Variants in LEPR observed in about 807,000 individuals in gnomAD.
The protein encoded by LEPR is leptin receptor.
A neutral mutation model predicts 114.7 loss-of-function variants in LEPR; 56 were observed. The observed-to-expected ratio is 0.49, with a 90% confidence interval of 0.39 to 0.61. The LOEUF (loss-of-function observed/expected upper bound fraction) is 0.61, where lower values mean the gene tolerates loss of function less well. LEPR is among the 20% of genes least tolerant of loss of function. The pLI is 0.00. For missense variants in LEPR, 1,202 were observed against 1,352.9 expected, an observed-to-expected ratio of 0.89 and a Z score of 1.75; for synonymous variants, 443 against 461.4, an observed-to-expected ratio of 0.96 and a Z score of 0.51.
At chr1:65,434,038 T>G in intron 2 of LEPR, 3 of 985,394 alleles carry the variant, frequency 3.0e-6, no homozygotes, top group Non-Finnish European at 3.6e-6. Flanking sequence ...GTGTTTTTGT[T>G]GCTTATACAC....
rs148464497 is a variant in LEPR at position 65,636,789 on chromosome 1, G to C, written c.3272G>C (p.Gly1091Ala). ...GVTSIKKRES[G>A]VLLTDKSRVS... ...ACCTCAATCAAAAAGAGAGAGAGTG[G>C]TGTGCTTTTGACTGACAAGTCAAGG... is the stretch of plus-strand genomic sequence containing the variant. The change falls in exon 20 of 20, where the codon GGT (glycine) becomes GCT (alanine). Residue 1091 changes from glycine to alanine, a missense_variant. Gly to Ala is a moderately conservative substitution (Grantham distance 60, BLOSUM62 0). Coordinates refer to ENST00000349533, the MANE Select transcript of LEPR (RefSeq NM_002303.6). 1 of 1,614,014 alleles carries C rather than the reference G, an allele frequency of 6.2e-7. No homozygotes were observed. The highest frequency in any genetic ancestry group is 1.1e-5 in the South Asian group (1 of 91,054).
At chr1:65,629,142 A>C (rs1384751193) in intron 19 of LEPR, among the ~76,000 whole-genome samples, 1 of 152,046 alleles carries the variant, frequency 6.6e-6, no homozygotes, top group Non-Finnish European at 1.5e-5. Context: ...CAATTCCTTA[A>C]GTAATCATTT....
At chr1:65,620,992 T>C (rs1176443326) in intron 17 of LEPR, among the ~76,000 whole-genome samples, 1 of 151,966 alleles carries the variant, frequency 6.6e-6, no homozygotes, top group Non-Finnish European at 1.5e-5. Flanking sequence ...GTGAACAAGA[T>C]AGAGATTGGC....
chr1:65,499,274 G>A (rs962495215), intron 2 of LEPR, among the ~76,000 whole-genome samples: 12 of 152,088 alleles, frequency 7.9e-5, no homozygotes, highest in South Asian at 6.2e-4. Flanking sequence ...AGAATATAGC[G>A]AGTTTCCCAA....
intron 19 of LEPR, among the ~76,000 whole-genome samples, chr1:65,625,490 C>CT (rs372324639): frequency 4.6e-5 from 7 of 151,200 alleles, no homozygotes; most frequent in East Asian, 3.9e-4. Flanking sequence ...AATAGCATTA[C>CT]TTTTTTTTTG....
intron 2 of LEPR, among the ~76,000 whole-genome samples, chr1:65,557,628 C>A (rs1197253042): frequency 6.6e-6 from 1 of 152,160 alleles, no homozygotes; most frequent in African/African-American, 2.4e-5. Flanking sequence ...CTATGTTGGC[C>A]AGGCTGGTCT....
chr1:65,605,527 G>A (rs1045978424), intron 11 of LEPR, among the ~76,000 whole-genome samples: 8 of 152,034 alleles, frequency 5.3e-5, no homozygotes, highest in Non-Finnish European at 8.8e-5. Flanking sequence ...TTCTAAATAA[G>A]GCATTATTTT....
chr1:65,463,416 G>T (rs1023712571), intron 2 of LEPR, among the ~76,000 whole-genome samples: 5 of 152,130 alleles, frequency 3.3e-5, no homozygotes, highest in African/African-American at 1.2e-4. Context: ...TGCTGTTTTG[G>T]TTAGTGTAGC....
chr1:65,481,825 A>G (rs1166123383), intron 2 of LEPR, among the ~76,000 whole-genome samples: 5 of 150,256 alleles, frequency 3.3e-5, no homozygotes, highest in Non-Finnish European at 7.4e-5. Context: ...ATGTTACTAA[A>G]AAAAAAAAAA....
At chr1:65,511,643 T>A (rs1649043151) in intron 2 of LEPR, among the ~76,000 whole-genome samples, 1 of 152,198 alleles carries the variant, frequency 6.6e-6, no homozygotes, top group Non-Finnish European at 1.5e-5. Context: ...AAATTTCACA[T>A]TCCAATTCTG....
At chr1:65,520,085 G>T (rs897775494) in intron 2 of LEPR, among the ~76,000 whole-genome samples, 2 of 152,072 alleles carry the variant, frequency 1.3e-5, no homozygotes, top group Admixed American at 1.3e-4. Flanking sequence ...GAATGGTCTC[G>T]ATCTCCTGAC....
intron 2 of LEPR, among the ~76,000 whole-genome samples, chr1:65,556,581 T>C (rs1383131904): frequency 6.6e-6 from 1 of 152,162 alleles, no homozygotes; most frequent in African/African-American, 2.4e-5. Flanking sequence ...CAGGTCCATG[T>C]TCCAAAAAAT....
intron 2 of LEPR, among the ~76,000 whole-genome samples, chr1:65,437,712 C>T (rs1042455629): frequency 2.0e-5 from 3 of 151,808 alleles, no homozygotes; most frequent in Admixed American, 6.6e-5. Context: ...ATACGGTAGG[C>T]GCTACTGGAA....
At chr1:65,572,143 G>A (rs972813970) in intron 4 of LEPR, among the ~76,000 whole-genome samples, 183 bp from the exon 5 acceptor site, 4 of 151,982 alleles carry the variant, frequency 2.6e-5, no homozygotes, top group African/African-American at 9.6e-5. Flanking sequence ...GAGGGACTAA[G>A]TGATGGGCAA....
Position 65,638,268 on chromosome 1 carries a change from GAAATT to G in LEPR, c.*1256_*1260del, listed in dbSNP as rs1440159483. 2 of 152,106 alleles carry G rather than the reference GAAATT, an allele frequency of 1.3e-5. No homozygotes were observed. Among genetic ancestry groups the G allele is most frequent in the Non-Finnish European group, 2.9e-5 (2 of 68,014 alleles). 9.4% of individuals were successfully genotyped at this position (152,106 alleles called of 1,614,324 possible). ...TAAGTAGAAGTATAATGCTGGATGA[GAAATT>G]AAGTGAGAATTGCACAGATCTCATG... On this transcript the variant is annotated 3_prime_UTR_variant, in exon 20 of 20. Coordinates refer to ENST00000349533, the MANE Select transcript of LEPR (RefSeq NM_002303.6).
chr1:65,580,408 T>TA (rs1399224407), intron 5 of LEPR, among the ~76,000 whole-genome samples: 1 of 152,216 alleles, frequency 6.6e-6, no homozygotes, highest in African/African-American at 2.4e-5. Flanking sequence ...CTTCCATGTG[T>TA]AAAAAAGTAT....
At chr1:65,488,108 T>G (rs971000413) in intron 2 of LEPR, among the ~76,000 whole-genome samples, 1 of 133,768 alleles carries the variant, frequency 7.5e-6, no homozygotes, top group Non-Finnish European at 1.5e-5. Context: ...TCTTTCTTTC[T>G]CTTTCTTTCT....
At chr1:65,521,264 G>A (rs551013263) in intron 2 of LEPR, among the ~76,000 whole-genome samples, 18 of 152,320 alleles carry the variant, frequency 1.2e-4, no homozygotes, top group Middle Eastern at 3.4e-3. Context: ...TTAAATGAGC[G>A]CTGGCAGTGA....
chr1:65,598,632 T>A (rs1428394033), intron 7 of LEPR, 28 bp from the exon 8 acceptor site: 2 of 1,611,626 alleles, frequency 1.2e-6, no homozygotes, highest in Non-Finnish European at 1.7e-6. Context: ...AACTTGATGT[T>A]CTGATGTTTT....
Sources: gnomAD v4.1 joint callset for allele counts (sites outside exome capture counted in the v4.1 genomes callset) on GRCh38, gnomAD v4.1.1 for gene constraint, MANE v1.5 for transcripts, NCBI Gene and HGNC (gene_info 2026-07-23, HGNC 2026-07-21) for gene names.